Variants in SFMBT2 observed in about 807,000 individuals in gnomAD.
The protein encoded by SFMBT2 is Scm like with four mbt domains 2, also known as scm-like with four MBT domains protein 2.
SFMBT2 carries 38 observed loss-of-function variants against 110.1 expected under a neutral mutation model. The ratio of observed to expected loss-of-function variants is 0.35; its 90% confidence interval spans 0.27 to 0.45. SFMBT2 has a LOEUF of 0.45. Among genes scored for constraint, SFMBT2 ranks in the 20% least tolerant of loss-of-function variants. The pLI is 1.00. For synonymous variants in SFMBT2, 425 were observed against 425.4 expected (o/e 1.00, Z 0.01); for missense variants, 1,011 against 1,094.9 (o/e 0.92, Z 1.08).
At chr10:7,173,726 G>A (rs554366644) in intron 17 of SFMBT2, among the ~76,000 whole-genome samples, 1 of 152,152 alleles carries the variant, frequency 6.6e-6, no homozygotes, top group Non-Finnish European at 1.5e-5. Flanking sequence ...AGGTTCAACC[G>A]TCCCACTATG....
intron 7 of SFMBT2, among the ~76,000 whole-genome samples, chr10:7,258,691 A>G (rs546252854): frequency 3.8e-4 from 58 of 152,300 alleles, no homozygotes; most frequent in African/African-American, 1.3e-3. Context: ...ACCATCCAGA[A>G]CCATTTATGA....
chr10:7,410,692 C>G (rs1241975996), intron 1 of SFMBT2, among the ~76,000 whole-genome samples, 169 bp downstream of exon 1: 1 of 151,942 alleles, frequency 6.6e-6, no homozygotes, highest in African/African-American at 2.4e-5. Context: ...AGCCTTCCCC[C>G]ACCCGCCACC....
rs757954474 is a variant in SFMBT2 at position 7,172,166 on chromosome 10, G to A, written c.2152-8C>T. ...GTCCTCCTCTTCACTTTCCTGGGAA[G>A]GAGGAAAAGGCATTTAAGGGGCTGG... On this transcript the variant is annotated splice_region_variant and splice_polypyrimidine_tract_variant and intron_variant, in intron 18 of 20. Transcript: ENST00000397167. The surrounding 1 kb of genome is among the most constrained non-coding windows in gnomAD (Gnocchi z 4.6). The A allele has an allele frequency of 8.5e-6, 13 of 1,537,188 alleles. No homozygotes were observed. Among genetic ancestry groups the A allele is most frequent in the Non-Finnish European group, 7.0e-6 (8 of 1,141,444 alleles).
chr10:7,373,895 G>A (rs1252006779), intron 2 of SFMBT2, among the ~76,000 whole-genome samples: 8 of 152,300 alleles, frequency 5.3e-5, no homozygotes, highest in Admixed American at 1.3e-4. Context: ...AAGGTTCTAC[G>A]TAGGACTCCG....
chr10:7,319,941 A>G (rs2131930182), intron 4 of SFMBT2, among the ~76,000 whole-genome samples: 1 of 151,774 alleles, frequency 6.6e-6, no homozygotes, highest in Non-Finnish European at 1.5e-5. Flanking sequence ...AGAGAGACAC[A>G]GAGACTGAGA....
intron 8 of SFMBT2, among the ~76,000 whole-genome samples, chr10:7,244,836 T>C (rs1178347816): frequency 1.3e-5 from 2 of 152,120 alleles, no homozygotes; most frequent in Non-Finnish European, 2.9e-5. Flanking sequence ...CTAATTTTGG[T>C]AAATAGTTTA....
intron 1 of SFMBT2, among the ~76,000 whole-genome samples, chr10:7,395,358 T>C (rs947173233): frequency 6.6e-6 from 1 of 152,238 alleles, no homozygotes; most frequent in East Asian, 1.9e-4. Flanking sequence ...GCCGTCTGGC[T>C]TCCATCGCTG....
At chr10:7,200,925 T>C in intron 13 of SFMBT2, 2 of 794,098 alleles carry the variant, frequency 2.5e-6, no homozygotes, top group Non-Finnish European at 3.1e-6. Flanking sequence ...CCCGCGGGAG[T>C]CATGGCCACA....
intron 8 of SFMBT2, among the ~76,000 whole-genome samples, chr10:7,244,908 T>C (rs141906536): frequency 6.6e-5 from 10 of 152,312 alleles, no homozygotes; most frequent in African/African-American, 2.4e-4. Flanking sequence ...GCCTTCCCAG[T>C]GAGGTCATGT....
At chr10:7,385,796 A>G (rs11596582) in intron 1 of SFMBT2, among the ~76,000 whole-genome samples, 92,164 of 151,956 alleles carry the variant, frequency 0.61, 28,341 homozygotes, top group African/African-American at 0.7. Context: ...TCAGGAGATC[A>G]AGACCATCCT....
intron 9 of SFMBT2, among the ~76,000 whole-genome samples, chr10:7,233,812 G>A (rs1278029270): frequency 6.6e-6 from 1 of 152,234 alleles, no homozygotes; most frequent in Admixed American, 6.5e-5. Context: ...AAAGCCAGGG[G>A]CTCTGTGGCA....
chr10:7,231,639 A>G (rs2025463), intron 9 of SFMBT2, among the ~76,000 whole-genome samples: 39,481 of 152,014 alleles, frequency 0.26, 5,324 homozygotes, highest in South Asian at 0.38. Context: ...GCCATTTCTA[A>G]TCTGATAATT....
rs751749675 is a variant in SFMBT2, at chr10:7,243,712, GA to G, written c.973-8del. On this transcript the variant is annotated splice_region_variant and splice_polypyrimidine_tract_variant and intron_variant, in intron 8 of 20. Transcript: ENST00000397167. Reference sequence around the variant, plus strand: ...AAAAGTGATTGTTAAAAACCTAAAAGAAAAAAAATGGGGGAGCCAAAGGTTA... The same window carrying G: ...AAAAGTGATTGTTAAAAACCTAAAAGAAAAAAATGGGGGAGCCAAAGGTTA... The G allele has an allele frequency of 1.3e-5, 11 of 861,148 alleles. No homozygotes were observed. The highest frequency in any genetic ancestry group is 7.0e-5 in the Admixed American group (4 of 56,774). 53.3% of individuals were successfully genotyped at this position (861,148 alleles called of 1,614,324 possible).
chr10:7,249,550 T>C, intron 7 of SFMBT2: 1 of 985,360 alleles, frequency 1.0e-6, no homozygotes, highest in Non-Finnish European at 1.2e-6. Context: ...ATACATCAAT[T>C]GGGTGTGAAG....
At chr10:7,284,264 A>G in intron 5 of SFMBT2, 114 bp from the exon 6 acceptor site, 3 of 1,507,668 alleles carry the variant, frequency 2.0e-6, no homozygotes, top group Non-Finnish European at 1.8e-6. Context: ...GTACTGGCGA[A>G]CAGTCTGGCG....
chr10:7,351,241 T>G (rs540418788), intron 4 of SFMBT2, among the ~76,000 whole-genome samples: 8 of 152,332 alleles, frequency 5.3e-5, no homozygotes, highest in African/African-American at 1.9e-4. Flanking sequence ...TGTTTTTTCA[T>G]GGGGGCTTTG....
In SFMBT2 at chr10:7,163,874, G is replaced by T; in HGVS notation, c.2581C>A (p.Pro861Thr). 1.9e-6 allele frequency: 3 copies of T among 1,614,044 alleles called. No homozygotes were observed. The highest frequency in any genetic ancestry group is 2.5e-6 in the Non-Finnish European group (3 of 1,180,006). The change falls in exon 21 of 21, where the codon CCG becomes ACG. Residue 861 changes from proline (P) to threonine (T), a missense_variant. By Grantham distance (38) the Pro-to-Thr change is conservative. Around this residue, in one of 2 missense-constraint regions of SFMBT2, gnomAD observed 32 missense variants for 78.8 expected, o/e 0.41. Coordinates refer to ENST00000397167, the MANE Select transcript of SFMBT2 (RefSeq NM_001387889.1). The surrounding 1 kb of genome is among the most constrained non-coding windows in gnomAD (Gnocchi z 4.8). The part of the protein sequence containing the change: ...DGQALLLLTL[P>T]TVQECMELKL... ...AGCTCCATGCACTCCTGCACCGTCG[G>T]AAGGGTCAGAAGCAGGAGTGCTTGG...
intron 4 of SFMBT2, among the ~76,000 whole-genome samples, chr10:7,291,901 G>A (rs1842272793): frequency 6.6e-6 from 1 of 152,152 alleles, no homozygotes; most frequent in African/African-American, 2.4e-5. Context: ...GGAACCCTGT[G>A]ATTTTCAGCC....
intron 1 of SFMBT2, among the ~76,000 whole-genome samples, chr10:7,402,441 C>A (rs1049155332): frequency 2.0e-5 from 3 of 152,118 alleles, no homozygotes; most frequent in Non-Finnish European, 4.4e-5. Context: ...CACCAAAAGC[C>A]CTAAACCAGA....
Sources: gnomAD v4.1 joint callset for allele counts (sites outside exome capture counted in the v4.1 genomes callset) on GRCh38, gnomAD v4.1.1 for gene constraint, gnomAD v4.1.1 regional missense constraint, Gnocchi (gnomAD v3.1) non-coding constraint, MANE v1.5 for transcripts, NCBI Gene and HGNC (gene_info 2026-07-23, HGNC 2026-07-21) for gene names.